Variants in KATNBL1 observed in about 807,000 individuals in gnomAD.
KATNBL1 encodes the protein KATNB1-like protein 1.
A neutral mutation model predicts 44.7 loss-of-function variants in KATNBL1; 28 were observed. The ratio of observed to expected loss-of-function variants is 0.63; its 90% CI spans 0.46 to 0.86. The LOEUF (loss-of-function observed/expected upper bound fraction) is 0.86. KATNBL1 is among the 40% of genes least tolerant of loss of function. KATNBL1 has a pLI of 0.00. For missense variants in KATNBL1, 272 were observed against 350.7 expected (o/e 0.78, Z 1.79); for synonymous variants, 78 against 114.9 (o/e 0.68, Z 2.06).
intron 1 of KATNBL1, among the ~76,000 whole-genome samples, chr15:34,191,673 C>T (rs987401908): frequency 1.3e-5 from 2 of 151,950 alleles, no homozygotes; most frequent in Non-Finnish European, 2.9e-5. Flanking sequence ...CCTGGCTGGG[C>T]GCAGTGGCTC....
intron 1 of KATNBL1, among the ~76,000 whole-genome samples, chr15:34,193,014 G>A (rs1312709399): frequency 1.3e-5 from 2 of 148,196 alleles, no homozygotes; most frequent in African/African-American, 2.5e-5. Context: ...TCAGGAGATC[G>A]AGACCATCCT....
chr15:34,177,632 T>A (rs868331181), intron 1 of KATNBL1, among the ~76,000 whole-genome samples: 1 of 698 alleles, frequency 1.4e-3, no homozygotes, highest in Non-Finnish European at 0.01. Flanking sequence ...AAACTCTGTC[T>A]TAAAAAAAAA....
chr15:34,142,838 A>G (rs1888188192), intron 9 of KATNBL1: 1 of 291,380 alleles, frequency 3.4e-6, no homozygotes, highest in South Asian at 2.7e-5. Context: ...CAGCCTCCCA[A>G]GTAGCTGGGA....
intron 4 of KATNBL1, among the ~76,000 whole-genome samples, chr15:34,149,398 A>G (rs1156604800): frequency 6.6e-6 from 1 of 152,096 alleles, no homozygotes; most frequent in East Asian, 1.9e-4. Flanking sequence ...ACCTATATGA[A>G]CATTTTTCAA....
chr15:34,207,247 C>T (rs1004561857), intron 1 of KATNBL1, among the ~76,000 whole-genome samples: 6 of 152,020 alleles, frequency 3.9e-5, no homozygotes, highest in Admixed American at 6.6e-5. Context: ...CTCACTCTGT[C>T]GCCCAGGCTG....
chr15:34,163,747 A>AAC (rs1888880305), intron 1 of KATNBL1, 57 bp from the exon 2 acceptor site: 3 of 957,902 alleles, frequency 3.1e-6, no homozygotes, highest in Non-Finnish European at 4.7e-6. Flanking sequence ...GATCATTTTT[A>AAC]ACACACACAC....
chr15:34,175,050 G>T (rs1013942501), intron 1 of KATNBL1, among the ~76,000 whole-genome samples: 1 of 151,620 alleles, frequency 6.6e-6, no homozygotes, highest in Non-Finnish European at 1.5e-5. Flanking sequence ...AGGAGTTCAA[G>T]ACCAGCCAGG....
chr15:34,188,137 TAAAAAAAA>T lies in KATNBL1; in HGVS notation c.-15+21806_-15+21813del, dbSNP rs1201268078. Among the ~76,000 whole-genome samples, 350 of 22,116 alleles carry T rather than the reference TAAAAAAAA, an allele frequency of 0.016. 17 individuals are homozygous for T. The Admixed American group carries it at 0.17, about 10-fold the overall frequency. The allele number at this position is 22,116 out of a possible 152,430, so 14.5% of individuals were successfully genotyped here. A position where few individuals can be genotyped will look rare whatever the true frequency, so the allele number is the denominator to read the frequency against. On this transcript the variant is annotated intron_variant, in intron 1 of 9. Coordinates refer to ENST00000256544, the MANE Select transcript of KATNBL1 (RefSeq NM_024713.3). Reference sequence around the variant, plus strand: ...CTGGGTGACAGAGGAAGACGCCATGTAAAAAAAAAAAAAAAAAAAAAAAAAAAAGAAAA... The same window carrying T: ...CTGGGTGACAGAGGAAGACGCCATGTAAAAAAAAAAAAAAAAAAAAGAAAA...
intron 1 of KATNBL1, among the ~76,000 whole-genome samples, chr15:34,170,201 G>A (rs952859819): frequency 6.6e-6 from 1 of 152,166 alleles, no homozygotes; most frequent in African/African-American, 2.4e-5. Flanking sequence ...CATCATCTCA[G>A]CCCAAAATCT....
At chr15:34,153,883 G>C (rs1207345551) in intron 3 of KATNBL1, among the ~76,000 whole-genome samples, 3 of 152,088 alleles carry the variant, frequency 2.0e-5, no homozygotes, top group African/African-American at 4.8e-5. Flanking sequence ...TATGTGAATA[G>C]TATCTATTGA....
intron 1 of KATNBL1, among the ~76,000 whole-genome samples, chr15:34,204,391 A>G (rs1341845885): frequency 6.6e-6 from 1 of 152,136 alleles, no homozygotes; most frequent in Non-Finnish European, 1.5e-5. Flanking sequence ...TTCTTATTAC[A>G]GTTGTCCCTC....
At chr15:34,152,054 C>T (rs1888496342) in intron 4 of KATNBL1, among the ~76,000 whole-genome samples, 1 of 150,134 alleles carries the variant, frequency 6.7e-6, no homozygotes. Flanking sequence ...GATTCTTCTG[C>T]CTCAGCCTCC....
intron 1 of KATNBL1, among the ~76,000 whole-genome samples, chr15:34,205,578 T>A (rs980248662): frequency 5.3e-5 from 8 of 152,130 alleles, no homozygotes; most frequent in African/African-American, 1.9e-4. Context: ...GGCGATTAAG[T>A]GAACAATAGA....
At chr15:34,199,876 G>A (rs1276791632) in intron 1 of KATNBL1, 1 of 152,078 alleles carries the variant, frequency 6.6e-6, no homozygotes, top group African/African-American at 2.4e-5. Flanking sequence ...CGGTGTGGAA[G>A]ATGACCCGAG....
At chr15:34,201,132 C>G (rs774212176) in intron 1 of KATNBL1, among the ~76,000 whole-genome samples, 3 of 152,120 alleles carry the variant, frequency 2.0e-5, no homozygotes, top group Non-Finnish European at 4.4e-5. Context: ...CAGTTTTAAT[C>G]AAGTCCACTT....
Position 34,181,690 on chromosome 15 carries a change from C to G in KATNBL1, c.-14-18000G>C, listed in dbSNP as rs62016520. On this transcript the variant is annotated intron_variant, in intron 1 of 9. Transcript: ENST00000256544. ...TCCATATATATACACATATATATGT[C>G]CATATATATATCCATATATATGGAC... Among the ~76,000 whole-genome samples, 2 of 38,488 alleles carry G rather than the reference C, an allele frequency of 5.2e-5. 1 individual carries two copies. Among genetic ancestry groups the G allele is most frequent in the Non-Finnish European group, 1.0e-4 (2 of 19,096 alleles). 25.2% of individuals were successfully genotyped at this position (38,488 alleles called of 152,430 possible). A position where few individuals can be genotyped will look rare whatever the true frequency, so the allele number is the denominator to read the frequency against.
rs1232522839 is a variant in KATNBL1 at position 34,150,009 on chromosome 15, A to G, written c.439-1259T>C. On this transcript the variant is annotated intron_variant, in intron 4 of 9. Coordinates refer to ENST00000256544, the MANE Select transcript of KATNBL1 (RefSeq NM_024713.3). ...TATGTAAATATGTGCACTTGTACAG[A>G]CACTTTTGTTAAAATTAATTTTACA... Among the ~76,000 whole-genome samples, 3 of 152,242 alleles carry G rather than the reference A, an allele frequency of 2.0e-5. No individual in the cohort carries two copies. In the East Asian group the frequency reaches 5.8e-4, roughly 29 times the overall value.
intron 1 of KATNBL1, among the ~76,000 whole-genome samples, chr15:34,181,689 T>C (rs1337303093): frequency 2.3e-5 from 1 of 44,318 alleles, no homozygotes; most frequent in East Asian, 1.2e-3. Flanking sequence ...CATATATATG[T>C]CCATATATAT....
At chr15:34,161,370 C>T (rs73376193) in intron 2 of KATNBL1, among the ~76,000 whole-genome samples, 29,482 of 152,106 alleles carry the variant, frequency 0.19, 3,142 homozygotes, top group Middle Eastern at 0.31. Context: ...GGCTGCAGGG[C>T]GTGCCTCCTC....
Sources: gnomAD v4.1 joint callset for allele counts (sites outside exome capture counted in the v4.1 genomes callset) on GRCh38, gnomAD v4.1.1 for gene constraint, MANE v1.5 for transcripts, NCBI Gene and HGNC (gene_info 2026-07-23, HGNC 2026-07-21) for gene names.